Variants in LAMA2 observed in about 807,000 individuals in gnomAD.
LAMA2 encodes the protein laminin subunit alpha-2.
Under a neutral mutation model 364.8 loss-of-function variants are expected in LAMA2, and 269 were observed. The observed-to-expected ratio is 0.74, with a 90% confidence interval of 0.67 to 0.82. The LOEUF is 0.82. LAMA2 is among the 40% of genes least tolerant of loss of function. The probability of loss-of-function intolerance (pLI) is 0.00; values close to 1 mark genes in which losing one functional copy is unlikely to be tolerated. For missense variants in LAMA2, 3,807 were observed against 3,873.2 expected, an observed-to-expected ratio of 0.98 and a Z score of 0.45; for synonymous variants, 1,379 against 1,370.6, an observed-to-expected ratio of 1.01 and a Z score of -0.14.
chr6:129,346,530 A>G (rs1032912053), intron 30 of LAMA2, among the ~76,000 whole-genome samples: 16 of 152,134 alleles, frequency 1.1e-4, no homozygotes, highest in African/African-American at 2.4e-4. Context: ...TGAATAAAAG[A>G]TAAAAGATAT....
At chr6:129,383,086 C>G (rs1778786441) in intron 34 of LAMA2, 36 bp from the exon 35 acceptor site, 1 of 1,535,986 alleles carries the variant, frequency 6.5e-7, no homozygotes, top group Non-Finnish European at 9.0e-7. Context: ...TTCATCATCT[C>G]TATTAATTAT....
chr6:129,270,888 A>G (rs1470817119), intron 17 of LAMA2, 137 bp downstream of exon 17: 5 of 977,418 alleles, frequency 5.1e-6, no homozygotes, highest in East Asian at 5.3e-5. Flanking sequence ...GGAAAATTAT[A>G]TGAATTTTTT....
At chr6:128,956,550 G>A (rs552815877) in intron 1 of LAMA2, among the ~76,000 whole-genome samples, 1 of 152,058 alleles carries the variant, frequency 6.6e-6, no homozygotes, top group South Asian at 2.1e-4. Flanking sequence ...TCTTGTTAGT[G>A]AAAGAAAATA....
chr6:128,976,343 C>A (rs143958579), intron 1 of LAMA2, among the ~76,000 whole-genome samples: 260 of 152,224 alleles, frequency 1.7e-3, no homozygotes, highest in African/African-American at 5.9e-3. Context: ...GCTCAAGTGT[C>A]CCAGTGGCAG....
intron 12 of LAMA2, among the ~76,000 whole-genome samples, chr6:129,246,413 A>G (rs1052391290): frequency 3.3e-5 from 5 of 152,198 alleles, no homozygotes; most frequent in African/African-American, 9.6e-5. Flanking sequence ...CCCAACAGAT[A>G]TTTAGTATTG....
At chr6:129,251,419 G>A (rs11966152) in intron 13 of LAMA2, among the ~76,000 whole-genome samples, 13,361 of 151,680 alleles carry the variant, frequency 0.088, 1,920 homozygotes, top group African/African-American at 0.3. Flanking sequence ...TGTAACTTTC[G>A]TGCACTTTTT....
chr6:129,379,493 C>T (rs1326167576), intron 34 of LAMA2, among the ~76,000 whole-genome samples: 1 of 152,050 alleles, frequency 6.6e-6, no homozygotes, highest in African/African-American at 2.4e-5. Flanking sequence ...CTTTTGGTGC[C>T]GGGAACCTCA....
At chr6:129,102,746 C>T (rs1219164559) in intron 4 of LAMA2, among the ~76,000 whole-genome samples, 11 of 152,096 alleles carry the variant, frequency 7.2e-5, no homozygotes, top group Non-Finnish European at 1.5e-5. Context: ...AATTTGAGAG[C>T]TAGTATATTG....
intron 1 of LAMA2, among the ~76,000 whole-genome samples, chr6:129,023,456 TGG>T (rs1785585488): frequency 6.6e-6 from 1 of 152,182 alleles, no homozygotes; most frequent in South Asian, 2.1e-4. Flanking sequence ...AACACTTCCA[TGG>T]TATCTATTTC....
chr6:129,428,319 A>T (rs1464776524), intron 41 of LAMA2, among the ~76,000 whole-genome samples: 1 of 152,204 alleles, frequency 6.6e-6, no homozygotes. Context: ...ACATAGGCAT[A>T]GCTACTTGGA....
intron 56 of LAMA2, among the ~76,000 whole-genome samples, chr6:129,488,519 C>T (rs531011183): frequency 6.6e-6 from 1 of 152,144 alleles, no homozygotes; most frequent in Non-Finnish European, 1.5e-5. Context: ...TTTTATTATG[C>T]CAACTTCACA....
chr6:129,427,603 A>G (rs149373272), intron 40 of LAMA2, 149 bp from the exon 41 acceptor site: 2 of 669,744 alleles, frequency 3.0e-6, no homozygotes, highest in African/African-American at 3.6e-5. Flanking sequence ...AACTTTAACT[A>G]CCGAATATGT....
intron 14 of LAMA2, among the ~76,000 whole-genome samples, chr6:129,254,956 G>A (rs536362824): frequency 1.3e-5 from 2 of 152,090 alleles, no homozygotes; most frequent in Non-Finnish European, 2.9e-5. Context: ...ATCTATAGGG[G>A]ATATTGCATT....
In LAMA2 at chr6:129,297,849, A is replaced by C; in HGVS notation, c.3021A>C (p.Gln1007His). ...DRCAHGYFNF[Q>H]EGGCTACECS... is the part of the protein sequence containing the mutation. ...GTGCCCACGGCTATTTCAACTTCCA[A>C]GAAGGAGGCTGCACAGGTCTGTAAA... Residue 1007 changes from glutamine (Q) to histidine (H), a missense_variant, in exon 21 of 65, where the codon CAA becomes CAC. Transcript: ENST00000421865. 1 of 1,613,826 alleles carries C rather than the reference A, an allele frequency of 6.2e-7. No individual in the cohort carries two copies. Among genetic ancestry groups the C allele is most frequent in the Non-Finnish European group, 8.5e-7 (1 of 1,179,872 alleles).
At chr6:129,473,787 T>C (rs1783932872) in intron 52 of LAMA2, among the ~76,000 whole-genome samples, 1 of 152,044 alleles carries the variant, frequency 6.6e-6, no homozygotes, top group Non-Finnish European at 1.5e-5. Context: ...TAATGGCGTG[T>C]TGGAGCTTTC....
intron 1 of LAMA2, among the ~76,000 whole-genome samples, chr6:128,938,946 G>A (rs1252938283): frequency 6.6e-6 from 1 of 151,920 alleles, no homozygotes; most frequent in African/African-American, 2.4e-5. Context: ...ACCTCTTCAG[G>A]GACAAAATTT....
At chr6:129,399,072 A>G (rs372256542) in intron 37 of LAMA2, among the ~76,000 whole-genome samples, 4 of 152,342 alleles carry the variant, frequency 2.6e-5, no homozygotes, top group African/African-American at 9.6e-5. Flanking sequence ...GTCCCTGTAC[A>G]TGTATCTGTG....
chr6:129,334,680 A>G (rs561574133), intron 29 of LAMA2, among the ~76,000 whole-genome samples: 10 of 152,300 alleles, frequency 6.6e-5, no homozygotes, highest in African/African-American at 2.2e-4. Flanking sequence ...CTTATTTCCC[A>G]CAGTTCTGAA....
chr6:128,960,483 A>G (rs1238934512), intron 1 of LAMA2, among the ~76,000 whole-genome samples: 1 of 71,968 alleles, frequency 1.4e-5, no homozygotes, highest in Non-Finnish European at 2.4e-5. Context: ...GCCGACCCCC[A>G]TGAGTAGCTG....
Sources: gnomAD v4.1 joint callset for allele counts (sites outside exome capture counted in the v4.1 genomes callset) on GRCh38, gnomAD v4.1.1 for gene constraint, MANE v1.5 for transcripts, NCBI Gene and HGNC (gene_info 2026-07-23, HGNC 2026-07-21) for gene names.